POLN: variants seen among roughly 807,000 people sequenced by gnomAD.
POLN encodes the protein DNA polymerase N.
POLN carries 108 observed loss-of-function variants against 113.5 expected under a neutral mutation model. That is an observed-to-expected ratio of 0.95 (90% CI 0.81 to 1.12). POLN has a LOEUF of 1.12. Ranked by LOEUF, POLN falls within the 50% of genes most tolerant of loss-of-function variation. The pLI, the probability that POLN is intolerant of heterozygous loss-of-function variation, is 0.00. For synonymous variants in POLN, 386 were observed against 391.5 expected, an observed-to-expected ratio of 0.99 and a Z score of 0.17; for missense variants, 1,097 against 1,077.1, an observed-to-expected ratio of 1.02 and a Z score of -0.26.
chr4:2,198,713 G>C lies in POLN; in HGVS notation c.719C>G (p.Pro240Arg), dbSNP rs567526637. The change falls in exon 6 of 26, where the codon CCC becomes CGC. Residue 240 changes from proline (P) to arginine (R), a missense_variant. Physicochemically the swap from Pro to Arg is moderately radical, Grantham distance 103 (BLOSUM62 -2). Coordinates refer to ENST00000511885, the MANE Select transcript of POLN (RefSeq NM_181808.4). ...CACAATTCCTCTAACAGAAGAAACG[G>C]GGGTCTGTGGAAACACAACAAAATA... Reference protein sequence around the residue: ...GSTQLGADQTPVSSVRGIVVL... With the variant: ...GSTQLGADQTRVSSVRGIVVL... The C allele has an allele frequency of 1.2e-6, 2 of 1,601,582 alleles. No homozygotes were observed. The highest frequency in any genetic ancestry group is 2.2e-5 in the South Asian group (2 of 89,124).
intron 8 of POLN, 60 bp downstream of exon 8, chr4:2,179,248 A>G (rs1264207121): frequency 6.8e-7 from 1 of 1,463,826 alleles, no homozygotes; most frequent in Non-Finnish European, 9.3e-7. Context: ...AAAATAGAAA[A>G]AGCTTCCAGA....
chr4:2,238,499 T>A (rs1238644092), intron 2 of POLN: 14 of 621,064 alleles, frequency 2.3e-5, no homozygotes, highest in Admixed American at 3.5e-5. Flanking sequence ...AAAAGTGAAA[T>A]GCAAAGAATT....
At chr4:2,142,220 T>C (rs1390184389) in intron 16 of POLN, among the ~76,000 whole-genome samples, 3 of 152,256 alleles carry the variant, frequency 2.0e-5, no homozygotes, top group Non-Finnish European at 2.9e-5. Context: ...TGCTGTGCCC[T>C]TTCACAAGTT....
rs1186400946 is a variant in POLN, at chr4:2,193,150, G to C, written c.1021+54C>G. Reference sequence around the variant, plus strand: ...GCCCTCACCATTCTCCCATTCATAGGAGGAGTCACAGTTGAAGAGTTAAAT... The same window carrying C: ...GCCCTCACCATTCTCCCATTCATAGCAGGAGTCACAGTTGAAGAGTTAAAT... On this transcript the variant is annotated intron_variant, in intron 7 of 25. Transcript: ENST00000511885. The C allele has an allele frequency of 3.0e-6, 4 of 1,328,032 alleles. No homozygotes were observed. In the East Asian group the frequency reaches 9.8e-5, roughly 33 times the overall value. 82.3% of individuals were successfully genotyped at this position (1,328,032 alleles called of 1,614,324 possible). A position where few individuals can be genotyped will look rare whatever the true frequency, so the allele number is the denominator to read the frequency against.
intron 3 of POLN, among the ~76,000 whole-genome samples, chr4:2,219,502 C>T (rs1315406375): frequency 6.6e-6 from 1 of 152,168 alleles, no homozygotes; most frequent in East Asian, 1.9e-4. Flanking sequence ...GGCAGCACCA[C>T]CTGGCCTCTA....
chr4:2,176,679 G>T (rs1733005350), intron 8 of POLN, among the ~76,000 whole-genome samples: 1 of 151,926 alleles, frequency 6.6e-6, no homozygotes, highest in Non-Finnish European at 1.5e-5. Flanking sequence ...TGCAGACCTG[G>T]CCTCTCTGGA....
chr4:2,078,729 G>A (rs959848894), intron 23 of POLN: 2 of 985,446 alleles, frequency 2.0e-6, no homozygotes, highest in African/African-American at 3.5e-5. Context: ...TTCCACACGA[G>A]TCTGCTTTGC....
intron 25 of POLN, among the ~76,000 whole-genome samples, chr4:2,072,575 G>T (rs1275042824): frequency 2.6e-5 from 4 of 152,230 alleles, no homozygotes; most frequent in Non-Finnish European, 5.9e-5. Flanking sequence ...GTAGGCTGCG[G>T]CCGGCAGACA....
chr4:2,158,440 T>C (rs554100707), intron 14 of POLN, among the ~76,000 whole-genome samples: 57 of 152,318 alleles, frequency 3.7e-4, no homozygotes, highest in African/African-American at 1.4e-3. Flanking sequence ...TCTAGAATCA[T>C]TCTAGATTTA....
intron 1 of POLN, 110 bp from the exon 2 acceptor site, chr4:2,241,900 C>A (rs1208834344): frequency 2.7e-5 from 27 of 985,386 alleles, no homozygotes; most frequent in Non-Finnish European, 3.1e-5. Context: ...CCCAGCGGAC[C>A]GGGCCCTGAT....
intron 7 of POLN, among the ~76,000 whole-genome samples, chr4:2,183,185 C>A (rs1246535192): frequency 6.6e-6 from 1 of 152,198 alleles, no homozygotes; most frequent in African/African-American, 2.4e-5. Flanking sequence ...GGGGAAGTTA[C>A]AGTGCTATAT....
chr4:2,194,504 T>TCTTGG (rs1312056792), intron 6 of POLN, among the ~76,000 whole-genome samples: 3 of 152,048 alleles, frequency 2.0e-5, no homozygotes, highest in African/African-American at 7.3e-5. Flanking sequence ...CAGCTTCAGA[T>TCTTGG]CTTGGCTTGG....
chr4:2,143,643 G>A (rs1460700147), intron 16 of POLN, among the ~76,000 whole-genome samples: 2 of 152,048 alleles, frequency 1.3e-5, no homozygotes, highest in Admixed American at 6.6e-5. Context: ...CCAATTCCAC[G>A]ATATCTCCCA....
chr4:2,193,259 C>A lies in POLN; in HGVS notation c.966G>T (p.Lys322Asn). ...CKCPVICFNA[K>N]DFVRIVLQFF... is the part of the protein sequence containing the mutation. ...ACTGCAGCACTATTCTCACAAAATC[C>A]TTAGCATTAAAACAAATAACAGGAC... The change falls in exon 7 of 26, where the codon AAG (lysine) becomes AAT (asparagine). Residue 322 changes from lysine to asparagine, a missense_variant. Transcript: ENST00000511885. 1 of 1,610,748 alleles carries A rather than the reference C, an allele frequency of 6.2e-7. No homozygotes were observed. Among genetic ancestry groups the A allele is most frequent in the African/African-American group, 1.3e-5 (1 of 74,598 alleles).
At chr4:2,100,687 T>C (rs1391907137) in intron 19 of POLN, among the ~76,000 whole-genome samples, 2 of 151,932 alleles carry the variant, frequency 1.3e-5, no homozygotes, top group Non-Finnish European at 2.9e-5. Flanking sequence ...GGGCGAGTAA[T>C]GAGGAAGAAC....
intron 19 of POLN, among the ~76,000 whole-genome samples, chr4:2,102,468 A>T (rs1361209052): frequency 6.6e-6 from 1 of 152,170 alleles, no homozygotes; most frequent in Non-Finnish European, 1.5e-5. Flanking sequence ...AGCACTTGGG[A>T]CCCAACAGAG....
chr4:2,178,587 C>T (rs34972576), intron 8 of POLN, among the ~76,000 whole-genome samples: 2 of 150,968 alleles, frequency 1.3e-5, no homozygotes, highest in Admixed American at 6.6e-5. Flanking sequence ...CTCTAGCAGG[C>T]GAAGGCCTGG....
At position 2,196,874 on chromosome 4, in the gene POLN, C is replaced by T. The variant is rs192981881; in HGVS notation, c.908+1650G>A. 9.9e-5 allele frequency among the ~76,000 whole-genome samples: 15 copies of T among 152,220 alleles called. No homozygotes were observed. In the East Asian group the frequency reaches 2.9e-3, roughly 29 times the overall value. ...AACATAAAGGAATGAGGCAGTAAAC[C>T]ATGCAGCTATTTGGGAGAATGCTGC... On this transcript the variant is annotated intron_variant, in intron 6 of 25. Coordinates refer to ENST00000511885, the MANE Select transcript of POLN (RefSeq NM_181808.4).
Position 2,095,853 on chromosome 4 carries a change from G to A in POLN, c.2063C>T (p.Ala688Val), listed in dbSNP as rs1577688817. 2 of 1,613,852 alleles carry A rather than the reference G, an allele frequency of 1.2e-6. No individual in the cohort carries two copies. Among genetic ancestry groups the A allele is most frequent in the East Asian group, 4.5e-5 (2 of 44,872 alleles). ...KKVVYAVVYG[A>V]GKERLAACLG... ...CCAGCTCCCGGCCCGCAGCCTACCT[G>A]CTCCATAGACCACCGCGTACACCAC... The change falls in exon 20 of 26, where the codon GCA becomes GTA. Residue 688 changes from alanine (A) to valine (V), a missense_variant and splice_region_variant. Coordinates refer to ENST00000511885, the MANE Select transcript of POLN (RefSeq NM_181808.4).
Sources: gnomAD v4.1 joint callset for allele counts (sites outside exome capture counted in the v4.1 genomes callset) on GRCh38, gnomAD v4.1.1 for gene constraint, MANE v1.5 for transcripts, NCBI Gene and HGNC (gene_info 2026-07-23, HGNC 2026-07-21) for gene names.